The following FSIP2 variants were observed in gnomAD, a reference collection of about 807,000 sequenced individuals.
FSIP2 encodes fibrous sheath-interacting protein 2.
Under a neutral mutation model 510.5 loss-of-function variants are expected in FSIP2, and 367 were observed. The ratio of observed to expected loss-of-function variants is 0.72; its 90% CI spans 0.66 to 0.78. The LOEUF (loss-of-function observed/expected upper bound fraction) is 0.78. Ranked by LOEUF, FSIP2 falls within the 30% of genes least tolerant of loss-of-function variation. The pLI, the probability that FSIP2 is intolerant of heterozygous loss-of-function variation, is 0.00. For synonymous variants in FSIP2, 2,601 were observed against 2,732.2 expected, an observed-to-expected ratio of 0.95 and a Z score of 1.50; for missense variants, 7,594 against 7,901.7, an observed-to-expected ratio of 0.96 and a Z score of 1.48.
rs775329627 is a variant in FSIP2, at chr2:185,833,223, C to A, written c.20721C>A (p.His6907Gln). 8 of 1,604,946 alleles carry A rather than the reference C, an allele frequency of 5.0e-6. No homozygotes were observed. The highest frequency in any genetic ancestry group is 6.0e-6 in the Non-Finnish European group (7 of 1,176,208). Residue 6907 changes from histidine to glutamine, a missense_variant, in exon 23 of 23, where the codon CAC becomes CAA. Coordinates refer to ENST00000424728, the MANE Select transcript of FSIP2 (RefSeq NM_173651.4). Reference protein sequence around the residue: ...RSSSPAHQDEH With the variant: ...RSSSPAHQDEQ The stretch of plus-strand genomic sequence containing the variant: ...CCTCACCAGCTCACCAGGATGAACA[C>A]TGAAGCTTTTGTACCTGATATAAGT...
Position 185,803,569 on chromosome 2 carries a change from T to G in FSIP2, c.14263T>G (p.Ser4755Ala). The change falls in exon 17 of 23, where the codon TCA (serine) becomes GCA (alanine). Residue 4755 changes from serine to alanine, a missense_variant. Coordinates refer to ENST00000424728, the MANE Select transcript of FSIP2 (RefSeq NM_173651.4). ...TCTTATAGCAAATCTGCCTTTTAAA[T>G]CACATTCCAAACTCAGTGCAAATGT... ...PDLIANLPFK[S>A]HSKLSANVLI... 6.5e-7 allele frequency: 1 copy of G among 1,532,802 alleles called. No homozygotes were observed. Among genetic ancestry groups the G allele is most frequent in the Non-Finnish European group, 8.7e-7 (1 of 1,144,772 alleles). 95.0% of individuals were successfully genotyped at this position (1,532,802 alleles called of 1,614,324 possible).
Position 185,801,879 on chromosome 2 carries a change from A to C in FSIP2, c.12573A>C (p.Lys4191Asn), listed in dbSNP as rs1559032657. The part of the protein sequence containing the change: ...IINKVMSAIS[K>N]HKIWFTIYDN... ...ATAAGGTTATGTCAGCCATTTCAAA[A>C]CATAAAATCTGGTTCACTATATATG... The change falls in exon 17 of 23, where the codon AAA becomes AAC. Residue 4191 changes from lysine (K) to asparagine (N), a missense_variant. By Grantham distance (94) the Lys-to-Asn change is moderately conservative. Transcript: ENST00000424728. The C allele has an allele frequency of 2.7e-6, 4 of 1,490,552 alleles. No individual in the cohort carries two copies. The highest frequency in any genetic ancestry group is 3.6e-6 in the Non-Finnish European group (4 of 1,121,298). The allele number at this position is 1,490,552 out of a possible 1,614,324, so 92.3% of individuals were successfully genotyped here. A position where few individuals can be genotyped will look rare whatever the true frequency, so the allele number is the denominator to read the frequency against.
intron 16 of FSIP2, 33 bp downstream of exon 16, chr2:185,797,559 A>T (rs1329608425): frequency 1.4e-6 from 2 of 1,468,358 alleles, no homozygotes; most frequent in South Asian, 1.4e-5. Context: ...AAAAATTTGC[A>T]TGATTTAGGA....
At chr2:185,819,475 T>TAG (rs1408548283) in intron 19 of FSIP2, among the ~76,000 whole-genome samples, 1 of 151,832 alleles carries the variant, frequency 6.6e-6, no homozygotes, top group Non-Finnish European at 1.5e-5. Flanking sequence ...AGAATACATG[T>TAG]AGGTTGAAAG....
chr2:185,800,374 A>G lies in FSIP2; in HGVS notation c.11068A>G (p.Ser3690Gly). The G allele has an allele frequency of 6.5e-7, 1 of 1,526,958 alleles. No individual in the cohort carries two copies. The allele number at this position is 1,526,958 out of a possible 1,614,324, so 94.6% of individuals were successfully genotyped here. A position where few individuals can be genotyped will look rare whatever the true frequency, so the allele number is the denominator to read the frequency against. The change falls in exon 17 of 23, where the codon AGT (serine) becomes GGT (glycine). Residue 3690 changes from serine (S) to glycine (G), a missense_variant. Coordinates refer to ENST00000424728, the MANE Select transcript of FSIP2 (RefSeq NM_173651.4). Reference sequence around the variant, plus strand: ...CAGCCTGGTTGGTAACCTAAAAACAAGTGAATCCAAAGAAGTAGTCAATAA... The same window carrying G: ...CAGCCTGGTTGGTAACCTAAAAACAGGTGAATCCAAAGAAGTAGTCAATAA... Reference protein sequence around the residue: ...LNSLVGNLKTSESKEVVNKVF... With the variant: ...LNSLVGNLKTGESKEVVNKVF...
Position 185,792,350 on chromosome 2 carries a change from T to C in FSIP2, c.5214T>C (p.Ile1738=), listed in dbSNP as rs1574183946. The C allele has an allele frequency of 6.5e-7, 1 of 1,528,900 alleles. No individual in the cohort carries two copies. Among genetic ancestry groups the C allele is most frequent in the Non-Finnish European group, 8.7e-7 (1 of 1,144,172 alleles). 94.7% of individuals were successfully genotyped at this position (1,528,900 alleles called of 1,614,324 possible). ...ATGCATATACAGCGAAAAAAATTATTGATGAGAGATCCCCACAAAGAGAAG... is the reference window on the plus strand; with the variant it reads ...ATGCATATACAGCGAAAAAAATTATCGATGAGAGATCCCCACAAAGAGAAG... ...EDDAYTAKKI[I]DERSPQREEV... The change falls in exon 16 of 23, where the codon ATT becomes ATC. Residue 1738 remains isoleucine, a synonymous_variant. Coordinates refer to ENST00000424728, the MANE Select transcript of FSIP2 (RefSeq NM_173651.4).
chr2:185,808,492 AG>A lies in FSIP2; in HGVS notation c.19187del (p.Ser6396IlefsTer5). The A allele has an allele frequency of 6.2e-7, 1 of 1,608,944 alleles. No individual in the cohort carries two copies. The highest frequency in any genetic ancestry group is 8.5e-7 in the Non-Finnish European group (1 of 1,178,252). On this transcript the variant is annotated frameshift_variant, in exon 17 of 23. Coordinates refer to ENST00000424728, the MANE Select transcript of FSIP2 (RefSeq NM_173651.4). LOFTEE classifies it high-confidence loss of function. Reference protein sequence around the residue: ...SKLVTAEISRSSISLIASDPE... With the variant: ...SKLVTAEISRXSISLIASDPE... ...ATTGGTAACAGCTGAAATTTCCAGAAGTAGCATTAGTCTAATAGCTTCTGAT... is the reference window on the plus strand; with the variant it reads ...ATTGGTAACAGCTGAAATTTCCAGAATAGCATTAGTCTAATAGCTTCTGAT...
chr2:185,771,387 T>A (rs1418986395), intron 13 of FSIP2, among the ~76,000 whole-genome samples: 2 of 152,216 alleles, frequency 1.3e-5, no homozygotes, highest in African/African-American at 4.8e-5. Flanking sequence ...TACTCTGAAA[T>A]CTATATGGAG....
rs2105625660 is a variant in FSIP2, at chr2:185,795,820, T to C, written c.8684T>C (p.Phe2895Ser). ...LPPLENCESR[F>S]YNHFKGASTR... Reference sequence around the variant, plus strand: ...CCTCTTGAGAATTGTGAAAGCAGGTTTTATAATCATTTTAAAGGAGCTTCT... The same window carrying C: ...CCTCTTGAGAATTGTGAAAGCAGGTCTTATAATCATTTTAAAGGAGCTTCT... Residue 2895 changes from phenylalanine to serine, a missense_variant, in exon 16 of 23, where the codon TTT becomes TCT. Coordinates refer to ENST00000424728, the MANE Select transcript of FSIP2 (RefSeq NM_173651.4). The C allele has an allele frequency of 3.3e-6, 5 of 1,533,956 alleles. No homozygotes were observed. The highest frequency in any genetic ancestry group is 4.4e-6 in the Non-Finnish European group (5 of 1,145,444).
Position 185,797,412 on chromosome 2 carries a change from G to A in FSIP2, c.10276G>A (p.Glu3426Lys). Residue 3426 changes from glutamate to lysine, a missense_variant, in exon 16 of 23, where the codon GAA becomes AAA. Physicochemically the swap from Glu to Lys is moderately conservative, Grantham distance 56 (BLOSUM62 1). Coordinates refer to ENST00000424728, the MANE Select transcript of FSIP2 (RefSeq NM_173651.4). Reference protein sequence around the residue: ...KEYPKIETVKEVEAFTFADHE... With the variant: ...KEYPKIETVKKVEAFTFADHE... Reference sequence around the variant, plus strand: ...GTACCCAAAGATAGAGACTGTGAAGGAAGTTGAAGCCTTTACTTTTGCTGA... The same window carrying A: ...GTACCCAAAGATAGAGACTGTGAAGAAAGTTGAAGCCTTTACTTTTGCTGA... 2 of 1,532,340 alleles carry A rather than the reference G, an allele frequency of 1.3e-6. No homozygotes were observed. Among genetic ancestry groups the A allele is most frequent in the Non-Finnish European group, 1.7e-6 (2 of 1,145,566 alleles). 94.9% of individuals were successfully genotyped at this position (1,532,340 alleles called of 1,614,324 possible).
At chr2:185,755,559 A>C (rs1235240658) in intron 8 of FSIP2, among the ~76,000 whole-genome samples, 3 of 151,596 alleles carry the variant, frequency 2.0e-5, no homozygotes, top group Non-Finnish European at 4.4e-5. Flanking sequence ...AAATTGAATT[A>C]TACCACTATG....
intron 17 of FSIP2, among the ~76,000 whole-genome samples, chr2:185,810,497 C>T (rs1574201373): frequency 6.7e-6 from 1 of 149,464 alleles, no homozygotes; most frequent in East Asian, 2.0e-4. Flanking sequence ...TGCCACTATG[C>T]TTCCTGTAAA....
chr2:185,808,432 A>G lies in FSIP2; in HGVS notation c.19126A>G (p.Thr6376Ala), dbSNP rs776098433. 16 of 1,605,882 alleles carry G rather than the reference A, an allele frequency of 1.0e-5. No homozygotes were observed. Among genetic ancestry groups the G allele is most frequent in the Non-Finnish European group, 1.4e-5 (16 of 1,177,724 alleles). Residue 6376 changes from threonine (T) to alanine (A), a missense_variant, in exon 17 of 23, where the codon ACT becomes GCT. Physicochemically the swap from Thr to Ala is moderately conservative, Grantham distance 58 (BLOSUM62 0). Transcript: ENST00000424728. ...CAAAGATGAAAAAAACTTATCAAAG[A>G]CTGAGTTAAATAAAATTGCATCTCA... The part of the protein sequence containing the change: ...SSKDEKNLSK[T>A]ELNKIASQLS...
Position 185,788,632 on chromosome 2 carries a change from C to G in FSIP2, c.1507-11C>G. The G allele has an allele frequency of 6.8e-7, 1 of 1,472,282 alleles. No individual in the cohort carries two copies. Among genetic ancestry groups the G allele is most frequent in the Non-Finnish European group, 8.9e-7 (1 of 1,118,244 alleles). 91.2% of individuals were successfully genotyped at this position (1,472,282 alleles called of 1,614,324 possible). On this transcript the variant is annotated splice_polypyrimidine_tract_variant and intron_variant, in intron 15 of 22. Transcript: ENST00000424728. ...TGACTTTATTTTCATCTCTGCTTAC[C>G]TCCTTTCCAGGTAACTTCTGAAGAA...
chr2:185,769,024 G>A (rs1004806643), intron 13 of FSIP2, among the ~76,000 whole-genome samples: 14 of 152,094 alleles, frequency 9.2e-5, no homozygotes, highest in Non-Finnish European at 1.8e-4. Flanking sequence ...TAAAAATCTA[G>A]TCTACCATTG....
chr2:185,737,589 G>A (rs1419073419), upstream of FSIP2, among the ~76,000 whole-genome samples: 1 of 152,114 alleles, frequency 6.6e-6, no homozygotes, highest in Non-Finnish European at 1.5e-5. Context: ...GGAGATAAGG[G>A]GAAAAAGAAG....
chr2:185,750,821 C>T (rs1367096141), intron 7 of FSIP2, among the ~76,000 whole-genome samples: 1 of 150,840 alleles, frequency 6.6e-6, no homozygotes, highest in African/African-American at 2.4e-5. Flanking sequence ...CTTTAATTTC[C>T]CTTTTAATTT....
intron 5 of FSIP2, 118 bp from the exon 6 acceptor site, chr2:185,746,551 C>T (rs928998390): frequency 5.4e-6 from 4 of 734,488 alleles, no homozygotes; most frequent in Non-Finnish European, 8.3e-6. Context: ...CAGTAAAATT[C>T]TTGTAGTTCA....
Position 185,790,054 on chromosome 2 carries a change from GACTCACTGGC to G in FSIP2, c.2922_2931del (p.Thr975AspfsTer15). ...CCTTCTGACACCAAAGAAAAGTACA[GACTCACTGGC>G]ACTAGATTATCAAATAGTCCTAGGT... On this transcript the variant is annotated frameshift_variant, in exon 16 of 23. Transcript: ENST00000424728. LOFTEE classifies it high-confidence loss of function. 1 of 1,533,552 alleles carries G rather than the reference GACTCACTGGC, an allele frequency of 6.5e-7. No individual in the cohort carries two copies. 95.0% of individuals were successfully genotyped at this position (1,533,552 alleles called of 1,614,324 possible). A position where few individuals can be genotyped will look rare whatever the true frequency, so the allele number is the denominator to read the frequency against.
Sources: gnomAD v4.1 joint callset for allele counts (sites outside exome capture counted in the v4.1 genomes callset) on GRCh38, gnomAD v4.1.1 for gene constraint, MANE v1.5 for transcripts, NCBI Gene and HGNC (gene_info 2026-07-23, HGNC 2026-07-21) for gene names.